ZFHX4: variants seen among roughly 807,000 people sequenced by gnomAD.
The protein encoded by ZFHX4 is zinc finger homeobox protein 4.
ZFHX4 carries 56 observed loss-of-function variants against 267.6 expected under a neutral mutation model. The ratio of observed to expected loss-of-function variants is 0.21; its 90% confidence interval spans 0.17 to 0.26. ZFHX4 has a LOEUF of 0.26. Among genes scored for constraint, ZFHX4 ranks in the 10% least tolerant of loss-of-function variants. The pLI, the probability that ZFHX4 is intolerant of heterozygous loss-of-function variation, is 1.00. For synonymous variants in ZFHX4, 1,778 were observed against 1,665.6 expected (o/e 1.07, Z -1.64); for missense variants, 4,332 against 4,420.0 (o/e 0.98, Z 0.56).
intron 4 of ZFHX4, among the ~76,000 whole-genome samples, chr8:76,829,538 C>T (rs1429711916): frequency 2.0e-5 from 3 of 152,064 alleles, no homozygotes; most frequent in Admixed American, 6.5e-5. Flanking sequence ...CAGCCAGGCG[C>T]GGTGGTTCAA....
At chr8:76,858,364 T>G (rs1812784847) in intron 10 of ZFHX4, among the ~76,000 whole-genome samples, 1 of 152,202 alleles carries the variant, frequency 6.6e-6, no homozygotes, top group South Asian at 2.1e-4. Context: ...AGGAGTATCT[T>G]TAAACACACA....
At chr8:76,799,056 G>A (rs192032434) in intron 4 of ZFHX4, among the ~76,000 whole-genome samples, 3 of 152,240 alleles carry the variant, frequency 2.0e-5, no homozygotes, top group East Asian at 3.9e-4. Context: ...ATGTATTGAT[G>A]TCCCAAGGCA....
intron 4 of ZFHX4, among the ~76,000 whole-genome samples, chr8:76,790,959 C>T (rs1810820682): frequency 6.6e-6 from 1 of 152,088 alleles, no homozygotes; most frequent in South Asian, 2.1e-4. Context: ...TTTAAAGGGG[C>T]CTGGAGGCCT....
chr8:76,787,411 C>A (rs894295083), intron 4 of ZFHX4, among the ~76,000 whole-genome samples: 5 of 152,024 alleles, frequency 3.3e-5, no homozygotes, highest in Non-Finnish European at 7.4e-5. Flanking sequence ...ACCTGGGAAG[C>A]AAAGGCTCTG....
At chr8:76,860,050 A>G (rs1812827492) in intron 10 of ZFHX4, among the ~76,000 whole-genome samples, 1 of 152,110 alleles carries the variant, frequency 6.6e-6, no homozygotes. Context: ...GTATAACTAG[A>G]TAAAAGATAA....
rs775098927 is a variant in ZFHX4 at position 76,704,126 on chromosome 8, A to G, written c.38A>G (p.Glu13Gly). The change falls in exon 2 of 11, where the codon GAA (glutamate) becomes GGA (glycine). Residue 13 changes from glutamate to glycine, a missense_variant. Around this residue, in one of 7 missense-constraint regions of ZFHX4, gnomAD observed 1,195 missense variants for 1,173.6 expected, o/e 1.02. Transcript: ENST00000651372. ...GACTCCCCTCCTATCTCAAGGCAGGAAAATGGGCAGAGCACATCAAAGCTA... is the reference window on the plus strand; with the variant it reads ...GACTCCCCTCCTATCTCAAGGCAGGGAAATGGGCAGAGCACATCAAAGCTA... ...TCDSPPISRQ[E>G]NGQSTSKLCG... is the part of the protein sequence containing the mutation. The G allele has an allele frequency of 1.2e-4, 199 of 1,613,206 alleles. No individual in the cohort carries two copies. Among genetic ancestry groups the G allele is most frequent in the Non-Finnish European group, 1.6e-4 (186 of 1,179,548 alleles).
At chr8:76,708,499 T>C (rs1174937587) in intron 3 of ZFHX4, among the ~76,000 whole-genome samples, 1 of 152,148 alleles carries the variant, frequency 6.6e-6, no homozygotes, top group African/African-American at 2.4e-5. Flanking sequence ...AACATAATGT[T>C]TGTTTCTTTG....
Position 76,700,130 on chromosome 8 carries a change from AT to A in ZFHX4, c.-46-3905del, listed in dbSNP as rs551895625. On this transcript the variant is annotated intron_variant, in intron 1 of 10. Coordinates refer to ENST00000651372, the MANE Select transcript of ZFHX4 (RefSeq NM_024721.5). Reference sequence around the variant, plus strand: ...ATTCAAGGATTTTTATTTATTTTCTATTTTTTTTAAATTCGTAACTAGTTAC... The same window carrying A: ...ATTCAAGGATTTTTATTTATTTTCTATTTTTTTAAATTCGTAACTAGTTAC... Among the ~76,000 whole-genome samples, 553 of 151,924 alleles carry A rather than the reference AT, an allele frequency of 3.6e-3. 2 individuals carry two copies. The highest frequency in any genetic ancestry group is 0.013 in the African/African-American group (520 of 41,466).
Position 76,863,355 on chromosome 8 carries a change from A to G in ZFHX4, c.9641A>G (p.Lys3214Arg). 6.2e-7 allele frequency: 1 copy of G among 1,613,874 alleles called. No homozygotes were observed. Among genetic ancestry groups the G allele is most frequent in the Non-Finnish European group, 8.5e-7 (1 of 1,179,840 alleles). Residue 3214 changes from lysine (K) to arginine (R), a missense_variant, in exon 11 of 11, where the codon AAA (lysine) becomes AGA (arginine). By Grantham distance (26) the Lys-to-Arg change is conservative. Transcript: ENST00000651372. ...GAATTAGAGGCCACCAAACCCGAAA[A>G]ACACCCCAAAAAAGAGGAAAAAATC... The part of the protein sequence containing the change: ...EEELEATKPE[K>R]HPKKEEKISS...
chr8:76,808,845 C>T (rs943475231), intron 4 of ZFHX4, among the ~76,000 whole-genome samples: 5 of 152,008 alleles, frequency 3.3e-5, no homozygotes, highest in Admixed American at 2.0e-4. Flanking sequence ...CAGTCCTTTT[C>T]GCACTTACCT....
chr8:76,733,143 G>A (rs112824520), intron 3 of ZFHX4, among the ~76,000 whole-genome samples: 1 of 152,134 alleles, frequency 6.6e-6, no homozygotes, highest in Non-Finnish European at 1.5e-5. Flanking sequence ...GTGGCGGTTT[G>A]GGGGATGGGA....
At chr8:76,717,376 C>T (rs74603374) in intron 3 of ZFHX4, among the ~76,000 whole-genome samples, 93 of 152,242 alleles carry the variant, frequency 6.1e-4, no homozygotes, top group African/African-American at 2.2e-3. Flanking sequence ...ATTAACTGGA[C>T]TTAGAGATGT....
chr8:76,859,479 T>C (rs1054904203), intron 10 of ZFHX4, among the ~76,000 whole-genome samples: 1 of 152,174 alleles, frequency 6.6e-6, no homozygotes, highest in South Asian at 2.1e-4. Flanking sequence ...AAATTTATAT[T>C]TTATCCTTTA....
intron 3 of ZFHX4, among the ~76,000 whole-genome samples, chr8:76,740,897 G>A (rs1362972329): frequency 6.6e-6 from 1 of 152,076 alleles, no homozygotes; most frequent in Non-Finnish European, 1.5e-5. Context: ...GACATCTAAG[G>A]GAAGAAGTCA....
At chr8:76,697,972 T>C (rs1808002758) in intron 1 of ZFHX4, among the ~76,000 whole-genome samples, 1 of 152,080 alleles carries the variant, frequency 6.6e-6, no homozygotes, top group Non-Finnish European at 1.5e-5. Context: ...ATATTCTCAG[T>C]ATTGGCAAAC....
intron 3 of ZFHX4, among the ~76,000 whole-genome samples, chr8:76,765,930 T>C (rs1483979605): frequency 6.6e-6 from 1 of 152,070 alleles, no homozygotes; most frequent in East Asian, 1.9e-4. Context: ...TCTATCCCAC[T>C]TCAAAAATCC....
intron 3 of ZFHX4, among the ~76,000 whole-genome samples, chr8:76,762,100 T>A (rs1585918936): frequency 6.6e-6 from 1 of 152,320 alleles, no homozygotes; most frequent in African/African-American, 2.4e-5. Flanking sequence ...GAGAGTGTTT[T>A]GTTCTAATAG....
intron 3 of ZFHX4, among the ~76,000 whole-genome samples, chr8:76,716,355 C>G (rs748989814): frequency 6.6e-6 from 1 of 152,126 alleles, no homozygotes; most frequent in South Asian, 2.1e-4. Context: ...AACATACTTA[C>G]AATAATCATG....
intron 5 of ZFHX4, among the ~76,000 whole-genome samples, chr8:76,835,305 G>A (rs1365090838): frequency 7.4e-6 from 1 of 135,740 alleles, no homozygotes; most frequent in Non-Finnish European, 1.5e-5. Context: ...CTTCTTAGCT[G>A]CATTATATTC....
Sources: gnomAD v4.1 joint callset for allele counts (sites outside exome capture counted in the v4.1 genomes callset) on GRCh38, gnomAD v4.1.1 for gene constraint, gnomAD v4.1.1 regional missense constraint, MANE v1.5 for transcripts, NCBI Gene and HGNC (gene_info 2026-07-23, HGNC 2026-07-21) for gene names.